The following PPP6R3 variants were observed in gnomAD, a reference collection of about 807,000 sequenced individuals.
The protein encoded by PPP6R3 is serine/threonine-protein phosphatase 6 regulatory subunit 3.
In PPP6R3, 38 loss-of-function variants were observed where a neutral mutation model predicts 110.7. The ratio of observed to expected loss-of-function variants is 0.34; its 90% CI spans 0.26 to 0.45. The LOEUF (loss-of-function observed/expected upper bound fraction) is 0.45. Among genes scored for constraint, PPP6R3 ranks in the 20% least tolerant of loss-of-function variants. The pLI is 1.00. For missense variants in PPP6R3, 870 were observed against 1,062.4 expected (o/e 0.82, Z 2.52); for synonymous variants, 369 against 373.5 (o/e 0.99, Z 0.14).
At chr11:68,581,686 C>T (rs2099555170) in intron 14 of PPP6R3, among the ~76,000 whole-genome samples, 1 of 152,264 alleles carries the variant, frequency 6.6e-6, no homozygotes, top group Non-Finnish European at 1.5e-5. Context: ...CACTCCTCCT[C>T]TACACTCTGG....
At chr11:68,522,488 G>C (rs1303761244) in intron 2 of PPP6R3, 1 of 152,198 alleles carries the variant, frequency 6.6e-6, no homozygotes, top group Non-Finnish European at 1.5e-5. Context: ...TGTTCTTCTT[G>C]TTCAGAAAAA....
chr11:68,588,323 A>AC (rs1176917865), intron 16 of PPP6R3, among the ~76,000 whole-genome samples: 7 of 151,858 alleles, frequency 4.6e-5, no homozygotes, highest in South Asian at 4.2e-4. Flanking sequence ...ACATGGTGAA[A>AC]CCCCGTCTCT....
intron 2 of PPP6R3, among the ~76,000 whole-genome samples, chr11:68,528,489 GCTAC>G (rs2099214893): frequency 6.6e-6 from 1 of 151,302 alleles, no homozygotes; most frequent in Non-Finnish European, 1.5e-5. Context: ...TGGAGAAACA[GCTAC>G]TGCGTGAACT....
At chr11:68,512,783 ACTTG>A (rs1397235137) in intron 1 of PPP6R3, among the ~76,000 whole-genome samples, 1 of 152,198 alleles carries the variant, frequency 6.6e-6, no homozygotes, top group African/African-American at 2.4e-5. Context: ...ATCTAAACGC[ACTTG>A]CTTAATCACA....
At chr11:68,484,124 G>C (rs938183766) in intron 1 of PPP6R3, among the ~76,000 whole-genome samples, 1 of 152,200 alleles carries the variant, frequency 6.6e-6, no homozygotes. Flanking sequence ...CCTACTGAAA[G>C]ATAGCTTGGT....
At chr11:68,490,682 A>C (rs1015914320) in intron 1 of PPP6R3, among the ~76,000 whole-genome samples, 1 of 142,716 alleles carries the variant, frequency 7.0e-6, no homozygotes, top group Non-Finnish European at 1.5e-5. Flanking sequence ...GGAAGTTTCT[A>C]TTGTCATATC....
At chr11:68,582,872 A>AG (rs2099566118) in intron 14 of PPP6R3, among the ~76,000 whole-genome samples, 171 bp from the exon 15 acceptor site, 2 of 152,226 alleles carry the variant, frequency 1.3e-5, no homozygotes, top group Non-Finnish European at 2.9e-5. Context: ...GAGGGAAGGA[A>AG]GGGTGCCCTT....
chr11:68,592,972 A>C (rs1262576306), intron 18 of PPP6R3, among the ~76,000 whole-genome samples: 1 of 152,208 alleles, frequency 6.6e-6, no homozygotes, highest in Non-Finnish European at 1.5e-5. Flanking sequence ...GGGAGATGGC[A>C]CCTGATACCC....
At chr11:68,474,305 CA>C (rs1348003299) in intron 1 of PPP6R3, among the ~76,000 whole-genome samples, 1 of 152,202 alleles carries the variant, frequency 6.6e-6, no homozygotes, top group Non-Finnish European at 1.5e-5. Flanking sequence ...CTTGGCCTCT[CA>C]AAGTGTTGGG....
At chr11:68,500,126 C>T (rs771563546) in intron 1 of PPP6R3, among the ~76,000 whole-genome samples, 4 of 152,062 alleles carry the variant, frequency 2.6e-5, no homozygotes, top group Non-Finnish European at 4.4e-5. Flanking sequence ...GACTCTTAAC[C>T]GTAACAACCA....
chr11:68,478,657 T>TTTTTTTTTTTTTG (rs67082647), intron 1 of PPP6R3, among the ~76,000 whole-genome samples: 1 of 120,106 alleles, frequency 8.3e-6, no homozygotes, highest in African/African-American at 3.3e-5. Context: ...GTTTTTTTTT[T>TTTTTTTTTTTTTG]TTTTTTTTTT....
chr11:68,534,698 ATTTC>A lies in PPP6R3; in HGVS notation c.-6-2958_-6-2955del, dbSNP rs559355197. Among the ~76,000 whole-genome samples the A allele has an allele frequency of 7.2e-5, 11 of 152,198 alleles. 1 individual carries two copies. The East Asian group carries it at 2.1e-3, about 29-fold the overall frequency. On this transcript the variant is annotated intron_variant, in intron 2 of 23. Transcript: ENST00000393800. The stretch of plus-strand genomic sequence containing the variant: ...GCCAGATTCACTTTTTTTCTGATTT[ATTTC>A]TTAGTATTTTTCATACTTTGCCTTT...
intron 1 of PPP6R3, among the ~76,000 whole-genome samples, chr11:68,497,451 C>T (rs182783583): frequency 3.1e-4 from 47 of 152,238 alleles, no homozygotes; most frequent in African/African-American, 1.1e-3. Context: ...TTCGTGGGCT[C>T]AGGTGATCTT....
At chr11:68,566,298 T>G (rs1330074280) in intron 9 of PPP6R3, among the ~76,000 whole-genome samples, 1 of 152,044 alleles carries the variant, frequency 6.6e-6, no homozygotes, top group Non-Finnish European at 1.5e-5. Context: ...TTCTTTATTC[T>G]TCCTTCCTCC....
At chr11:68,532,985 T>A (rs2099249436) in intron 2 of PPP6R3, among the ~76,000 whole-genome samples, 1 of 152,228 alleles carries the variant, frequency 6.6e-6, no homozygotes. Flanking sequence ...GTTGTGTGAC[T>A]GTGTAGTCTG....
intron 23 of PPP6R3, chr11:68,612,857 G>C: frequency 1.0e-6 from 1 of 974,370 alleles, no homozygotes; most frequent in Non-Finnish European, 1.4e-6. Flanking sequence ...CTGAATGCCT[G>C]CTCACCCGGT....
chr11:68,509,181 C>T (rs1291360926), intron 1 of PPP6R3, among the ~76,000 whole-genome samples: 2 of 152,244 alleles, frequency 1.3e-5, no homozygotes, highest in South Asian at 2.1e-4. Flanking sequence ...AGAATTCCCC[C>T]GTTTTCACCT....
intron 1 of PPP6R3, among the ~76,000 whole-genome samples, chr11:68,462,860 CTTAA>C (rs1394265936): frequency 2.6e-5 from 4 of 152,116 alleles, no homozygotes; most frequent in Non-Finnish European, 5.9e-5. Flanking sequence ...TGGACTCAGT[CTTAA>C]GTAGAGATGA....
rs1456046589 is a variant in PPP6R3, at chr11:68,614,471, C to T, written c.*1354C>T. On this transcript the variant is annotated 3_prime_UTR_variant, in exon 24 of 24. Transcript: ENST00000393800. ...CGTATTTTTACATCATTTGTTTTTC[C>T]TGACCAGTATTTAAAACCAAAAGGA... The T allele has an allele frequency of 7.3e-6, 10 of 1,367,172 alleles. No homozygotes were observed. Among genetic ancestry groups the T allele is most frequent in the South Asian group, 5.5e-5 (3 of 54,764 alleles). The allele number at this position is 1,367,172 out of a possible 1,614,324, so 84.7% of individuals were successfully genotyped here.
Sources: gnomAD v4.1 joint callset for allele counts (sites outside exome capture counted in the v4.1 genomes callset) on GRCh38, gnomAD v4.1.1 for gene constraint, MANE v1.5 for transcripts, NCBI Gene and HGNC (gene_info 2026-07-23, HGNC 2026-07-21) for gene names.